The following AKAP9 variants were observed in gnomAD, a reference collection of about 807,000 sequenced individuals.
AKAP9 encodes the protein A-kinase anchor protein 9.
Under a neutral mutation model 488.5 loss-of-function variants are expected in AKAP9, and 311 were observed. The ratio of observed to expected loss-of-function variants is 0.64; its 90% CI spans 0.58 to 0.70. The LOEUF (loss-of-function observed/expected upper bound fraction) is 0.70. AKAP9 is among the 30% of genes least tolerant of loss of function. The pLI is 0.00. For missense variants in AKAP9, 4,215 were observed against 4,374.5 expected (o/e 0.96, Z 1.03); for synonymous variants, 1,462 against 1,483.5 (o/e 0.99, Z 0.33).
intron 6 of AKAP9, among the ~76,000 whole-genome samples, chr7:91,995,153 G>A (rs1366788599): frequency 6.6e-6 from 1 of 152,104 alleles, no homozygotes; most frequent in African/African-American, 2.4e-5. Context: ...TTTAATTAGA[G>A]CCACAGGAAT....
Position 92,083,609 on chromosome 7 carries a change from A to C in AKAP9, c.8600A>C (p.Glu2867Ala). The change falls in exon 33 of 50, where the codon GAA becomes GCA. Residue 2867 changes from glutamate (E) to alanine (A), a missense_variant. Glu to Ala is a moderately radical substitution (Grantham distance 107). Transcript: ENST00000356239. The stretch of plus-strand genomic sequence containing the variant: ...GTTGCCGTTCAGTTACTGAAAGAGG[A>C]ATGTGGTACCTTGAAGGCAGTGATA... ...HYVAVQLLKE[E>A]CGTLKAVIQC... is the part of the protein sequence containing the mutation. 1 of 1,605,076 alleles carries C rather than the reference A, an allele frequency of 6.2e-7. No individual in the cohort carries two copies. The highest frequency in any genetic ancestry group is 8.5e-7 in the Non-Finnish European group (1 of 1,177,668).
chr7:92,078,530 C>T (rs1812994842), intron 30 of AKAP9, among the ~76,000 whole-genome samples: 1 of 151,530 alleles, frequency 6.6e-6, no homozygotes, highest in Non-Finnish European at 1.5e-5. Context: ...CCTCATCATG[C>T]CACTGCACTC....
intron 45 of AKAP9, among the ~76,000 whole-genome samples, chr7:92,101,302 C>T (rs1295420715): frequency 1.3e-5 from 2 of 152,012 alleles, no homozygotes; most frequent in Non-Finnish European, 2.9e-5. Context: ...ATTAGCTGGG[C>T]GTGGTGGCGG....
rs576789999 is a variant in AKAP9, at chr7:92,086,826, TAA to T, written c.9213+411_9213+412del. 7.0e-3 allele frequency among the ~76,000 whole-genome samples: 1,067 copies of T among 152,322 alleles called. 16 individuals are homozygous for T. The highest frequency in any genetic ancestry group is 0.024 in the African/African-American group (1,012 of 41,564). ...ACCTTGTCTATATGTGATTCTATTT[TAA>T]GACACCTTATTTACTATATATTATT... On this transcript the variant is annotated intron_variant, in intron 37 of 49. Transcript: ENST00000356239.
chr7:91,998,133 A>G (rs1798629282), intron 7 of AKAP9, among the ~76,000 whole-genome samples: 1 of 152,126 alleles, frequency 6.6e-6, no homozygotes, highest in East Asian at 1.9e-4. Context: ...AGTTCACAAT[A>G]AGGTTCGAGC....
chr7:92,046,523 A>G (rs1282810291), intron 21 of AKAP9, among the ~76,000 whole-genome samples: 1 of 152,222 alleles, frequency 6.6e-6, no homozygotes, highest in Non-Finnish European at 1.5e-5. Context: ...ACTGATTTTT[A>G]AACACCTTAG....
chr7:92,052,682 GATT>G (rs1808186751), intron 21 of AKAP9, 41 bp from the exon 22 acceptor site: 2 of 1,318,380 alleles, frequency 1.5e-6, no homozygotes, highest in African/African-American at 3.0e-5. Flanking sequence ...AAAAAATTAT[GATT>G]ATTATAATTA....
In AKAP9 at chr7:92,077,767, A is replaced by G. The variant is rs758583944; in HGVS notation, c.6837A>G (p.Leu2279=). ...DAMSTQDQHV[L]FGKFAQIIQE... ...TGTCTACTCAAGACCAACATGTGCT[A>G]TTTGGGAAATTTGCTCAAATAATAC... The change falls in exon 30 of 50, where the codon CTA becomes CTG. Residue 2279 remains leucine, a synonymous_variant. Coordinates refer to ENST00000356239, the MANE Select transcript of AKAP9 (RefSeq NM_005751.5). The G allele has an allele frequency of 3.1e-6, 5 of 1,613,902 alleles. No homozygotes were observed. The highest frequency in any genetic ancestry group is 4.5e-5 in the East Asian group (2 of 44,802).
chr7:92,061,337 T>G lies in AKAP9; in HGVS notation c.5679T>G (p.Leu1893=). 1.2e-6 allele frequency: 2 copies of G among 1,613,142 alleles called. No individual in the cohort carries two copies. The highest frequency in any genetic ancestry group is 1.7e-6 in the Non-Finnish European group (2 of 1,179,498). ...AGAAACAAGAAGCAACAGAGTCCCTTAAGTGCCAAGAGGAACTTCGAGAGC... is the reference window on the plus strand; with the variant it reads ...AGAAACAAGAAGCAACAGAGTCCCTGAAGTGCCAAGAGGAACTTCGAGAGC... ...FRQKQEATES[L]KCQEELRERL... Residue 1893 remains leucine (L), a synonymous_variant, in exon 23 of 50, where the codon CTT becomes CTG. Coordinates refer to ENST00000356239, the MANE Select transcript of AKAP9 (RefSeq NM_005751.5).
intron 22 of AKAP9, among the ~76,000 whole-genome samples, chr7:92,059,659 G>A (rs1407785153): frequency 6.6e-6 from 1 of 151,436 alleles, no homozygotes; most frequent in Non-Finnish European, 1.5e-5. Context: ...ATCCTTTTTA[G>A]TTACATGTAT....
chr7:92,015,684 G>C (rs1442325396), intron 10 of AKAP9, among the ~76,000 whole-genome samples: 1 of 151,974 alleles, frequency 6.6e-6, no homozygotes, highest in African/African-American at 2.4e-5. Flanking sequence ...TGAATGTTAA[G>C]TATATGAATG....
chr7:92,083,546 A>G lies in AKAP9; in HGVS notation c.8537A>G (p.His2846Arg), dbSNP rs1813971872. 3.1e-6 allele frequency: 5 copies of G among 1,601,256 alleles called. No homozygotes were observed. The highest frequency in any genetic ancestry group is 4.3e-6 in the Non-Finnish European group (5 of 1,174,662). ...AAEILDMESR[H>R]ISETETLKRE... ...GAAATTTTGGACATGGAATCCAGAC[A>G]TATTTCAGAAACTGAAACCTTAAAG... The change falls in exon 33 of 50, where the codon CAT (histidine) becomes CGT (arginine). Residue 2846 changes from histidine to arginine, a missense_variant. Physicochemically the swap from His to Arg is conservative, Grantham distance 29. This residue lies in a region of AKAP9 where 1,476 missense variants were observed against 1,477.4 expected (regional missense o/e 1.00). Coordinates refer to ENST00000356239, the MANE Select transcript of AKAP9 (RefSeq NM_005751.5).
At chr7:92,099,616 T>G in intron 43 of AKAP9, 71 bp from the exon 44 acceptor site, 1 of 1,429,234 alleles carries the variant, frequency 7.0e-7, no homozygotes, top group East Asian at 2.3e-5. Flanking sequence ...TCTCGGTGCC[T>G]ATTCACACTT....
Position 92,042,675 on chromosome 7 carries a change from A to G in AKAP9, c.5066A>G (p.Asn1689Ser). ...TTACACAAACTTAAACAGAATGGAA[A>G]TGAAAACCAAGGAGAAGTTGAAGAA... ...RNSSTQTQNG[N>S]ENQGEVEEQT... The change falls in exon 20 of 50, where the codon AAT (asparagine) becomes AGT (serine). Residue 1689 changes from asparagine (N) to serine (S), a missense_variant. Transcript: ENST00000356239. 1 of 1,609,110 alleles carries G rather than the reference A, an allele frequency of 6.2e-7. No homozygotes were observed. The highest frequency in any genetic ancestry group is 1.1e-5 in the South Asian group (1 of 90,936).
intron 21 of AKAP9, among the ~76,000 whole-genome samples, chr7:92,048,243 A>G (rs1040259652): frequency 3.3e-5 from 5 of 152,316 alleles, no homozygotes; most frequent in Admixed American, 2.6e-4. Flanking sequence ...GTTTTCATAT[A>G]TGACTTTTTG....
intron 18 of AKAP9, chr7:92,041,203 T>G: frequency 3.1e-6 from 1 of 323,164 alleles, no homozygotes; most frequent in Non-Finnish European, 5.7e-6. Context: ...TTTTTTCTTT[T>G]AAATCATTCC....
chr7:92,035,272 C>G (rs1417497223), intron 16 of AKAP9, among the ~76,000 whole-genome samples: 2 of 152,184 alleles, frequency 1.3e-5, no homozygotes, highest in African/African-American at 4.8e-5. Context: ...CAGATAGCTT[C>G]CCATGGTTAA....
rs867612463 is a variant in AKAP9 at position 92,053,022 on chromosome 7, G to A, written c.5601+64G>A. The A allele has an allele frequency of 1.1e-4, 150 of 1,348,776 alleles. 1 individual carries two copies. In the Middle Eastern group the frequency reaches 2.3e-3, roughly 21 times the overall value. 83.6% of individuals were successfully genotyped at this position (1,348,776 alleles called of 1,614,324 possible). ...GTACAATATACTATCCCACTCTCTC[G>A]ACTGAGCTAATTTTGATATTTTCAT... On this transcript the variant is annotated intron_variant, in intron 22 of 49. Transcript: ENST00000356239.
At chr7:91,984,859 T>G (rs1482754987) in intron 3 of AKAP9, among the ~76,000 whole-genome samples, 1 of 151,288 alleles carries the variant, frequency 6.6e-6, no homozygotes, top group East Asian at 1.9e-4. Context: ...CCCTTGTAAG[T>G]TGGATTCCTA....
Sources: allele counts gnomAD v4.1 joint callset (sites outside exome capture counted in the v4.1 genomes callset), GRCh38; gene constraint gnomAD v4.1.1; regional missense constraint gnomAD v4.1.1; transcripts MANE v1.5; gene names NCBI Gene and HGNC (gene_info 2026-07-23, HGNC 2026-07-21).